Variants in SORCS2 observed in about 807,000 individuals in gnomAD.
SORCS2 encodes the protein VPS10 domain-containing receptor SorCS2.
Under a neutral mutation model 141.6 loss-of-function variants are expected in SORCS2, and 100 were observed. The observed-to-expected ratio is 0.71, with a 90% CI of 0.60 to 0.83. The LOEUF (loss-of-function observed/expected upper bound fraction) is 0.83, where lower values mean the gene tolerates loss of function less well. Ranked by LOEUF, SORCS2 falls within the 40% of genes least tolerant of loss-of-function variation. The probability of loss-of-function intolerance (pLI) is 0.00; values close to 1 mark genes in which losing one functional copy is unlikely to be tolerated. For missense variants in SORCS2, 1,646 were observed against 1,560.2 expected (o/e 1.05, Z -0.93); for synonymous variants, 789 against 676.9 (o/e 1.17, Z -2.57).
chr4:7,734,874 G>A (rs538358363), intron 25 of SORCS2, among the ~76,000 whole-genome samples: 11 of 152,232 alleles, frequency 7.2e-5, no homozygotes, highest in African/African-American at 2.4e-4. Context: ...GCGCTCCCGT[G>A]GGGAGGGCTC....
chr4:7,544,412 G>C (rs1367272199), intron 3 of SORCS2, among the ~76,000 whole-genome samples: 1 of 152,192 alleles, frequency 6.6e-6, no homozygotes, highest in Non-Finnish European at 1.5e-5. Flanking sequence ...GAGAGCCCTG[G>C]AGAGATGGCA....
intron 2 of SORCS2, among the ~76,000 whole-genome samples, chr4:7,400,210 A>G (rs998841716): frequency 6.8e-6 from 1 of 146,782 alleles, no homozygotes; most frequent in Non-Finnish European, 1.5e-5. Flanking sequence ...TTCAGTGTCC[A>G]GTGACAGTAG....
chr4:7,374,825 A>T (rs1434454981), intron 1 of SORCS2, among the ~76,000 whole-genome samples: 1 of 152,000 alleles, frequency 6.6e-6, no homozygotes, highest in Non-Finnish European at 1.5e-5. Context: ...GCCTGGGTAG[A>T]CCGCGGGTGG....
intron 8 of SORCS2, among the ~76,000 whole-genome samples, chr4:7,670,377 A>G (rs1422040064): frequency 1.3e-5 from 2 of 152,266 alleles, no homozygotes; most frequent in African/African-American, 2.4e-5. Flanking sequence ...ATAAATAGAG[A>G]AAAGAGAAGA....
intron 3 of SORCS2, among the ~76,000 whole-genome samples, chr4:7,604,128 G>A (rs1197166973): frequency 1.3e-5 from 2 of 152,066 alleles, no homozygotes; most frequent in Non-Finnish European, 2.9e-5. Context: ...AGGCAGAGAT[G>A]GGCAGGTCTC....
Position 7,741,300 on chromosome 4 carries a change from C to T in SORCS2, c.*1036C>T, listed in dbSNP as rs1712650251. ...CATTTTCAAGAAGGGGAAACTGAGG[C>T]CCAGGGAGGAGAGTAACTGAAGGTC... is the stretch of plus-strand genomic sequence containing the variant. On this transcript the variant is annotated 3_prime_UTR_variant, in exon 27 of 27. Coordinates refer to ENST00000507866, the MANE Select transcript of SORCS2 (RefSeq NM_020777.3). 2 of 398,980 alleles carry T rather than the reference C, an allele frequency of 5.0e-6. No homozygotes were observed. The highest frequency in any genetic ancestry group is 1.3e-4 in the South Asian group (1 of 7,848). The allele number at this position is 398,980 out of a possible 1,614,324, so 24.7% of individuals were successfully genotyped here.
At chr4:7,545,143 GAAAAA>G (rs34817306) in intron 3 of SORCS2, among the ~76,000 whole-genome samples, 2 of 146,132 alleles carry the variant, frequency 1.4e-5, no homozygotes, top group South Asian at 2.2e-4. Context: ...GGAGGGAAAA[GAAAAA>G]AAAAAAAAAA....
intron 2 of SORCS2, among the ~76,000 whole-genome samples, chr4:7,407,924 CAAAGA>C: frequency 7.0e-6 from 1 of 142,876 alleles, no homozygotes; most frequent in East Asian, 2.0e-4. Flanking sequence ...ATTTAGATCA[CAAAGA>C]AAAGAATAGA....
chr4:7,628,483 C>T (rs2108842661), intron 3 of SORCS2, among the ~76,000 whole-genome samples: 1 of 150,072 alleles, frequency 6.7e-6, no homozygotes, highest in African/African-American at 2.4e-5. Flanking sequence ...TGTGCCACTG[C>T]ACTCCAGCCT....
intron 13 of SORCS2, among the ~76,000 whole-genome samples, chr4:7,703,857 G>C (rs1725243484): frequency 6.6e-6 from 1 of 152,232 alleles, no homozygotes; most frequent in East Asian, 1.9e-4. Flanking sequence ...CTGCCAGATG[G>C]TGGCACTACA....
intron 1 of SORCS2, among the ~76,000 whole-genome samples, chr4:7,299,437 G>A (rs1428120528): frequency 6.6e-6 from 1 of 152,178 alleles, no homozygotes; most frequent in Non-Finnish European, 1.5e-5. Flanking sequence ...GCATGGCCTC[G>A]GATACATCTC....
intron 1 of SORCS2, among the ~76,000 whole-genome samples, chr4:7,389,201 C>T (rs1052543802): frequency 6.6e-5 from 10 of 152,200 alleles, no homozygotes; most frequent in East Asian, 1.9e-4. Context: ...TGGAGGTCTT[C>T]GTCCATGTTG....
intron 3 of SORCS2, among the ~76,000 whole-genome samples, chr4:7,586,637 G>C (rs1239391831): frequency 6.6e-6 from 1 of 152,140 alleles, no homozygotes; most frequent in Non-Finnish European, 1.5e-5. Context: ...AGCTCCATCC[G>C]TGTCCCGGCA....
intron 2 of SORCS2, among the ~76,000 whole-genome samples, chr4:7,515,815 G>A (rs1482191033): frequency 1.3e-5 from 2 of 152,222 alleles, no homozygotes; most frequent in African/African-American, 4.8e-5. Flanking sequence ...GGCTGGAGTA[G>A]CCCTGGCAAA....
rs527634447 is a variant in SORCS2 at position 7,507,453 on chromosome 4, C to T, written c.549-24077C>T. On this transcript the variant is annotated intron_variant, in intron 2 of 26. Transcript: ENST00000507866. The stretch of plus-strand genomic sequence containing the variant: ...CCTCCCAAAGTGCTGAGATTACAGG[C>T]GTGAGCCACTGTGCCTGGCCGATAA... Among the ~76,000 whole-genome samples, 27 of 152,282 alleles carry T rather than the reference C, an allele frequency of 1.8e-4. No individual in the cohort carries two copies. The South Asian group carries it at 5.0e-3, about 28-fold the overall frequency.
chr4:7,331,456 C>A (rs1330359597), intron 1 of SORCS2, among the ~76,000 whole-genome samples: 2 of 152,040 alleles, frequency 1.3e-5, no homozygotes, highest in Non-Finnish European at 2.9e-5. Flanking sequence ...AGTACCCACG[C>A]GGGAAGGAGG....
At chr4:7,318,061 C>T (rs1012837740) in intron 1 of SORCS2, among the ~76,000 whole-genome samples, 5 of 152,158 alleles carry the variant, frequency 3.3e-5, no homozygotes, top group African/African-American at 7.2e-5. Flanking sequence ...AGTCGCGTAT[C>T]GTGCAAGGTG....
At chr4:7,382,462 C>T (rs530450883) in intron 1 of SORCS2, among the ~76,000 whole-genome samples, 2 of 152,240 alleles carry the variant, frequency 1.3e-5, no homozygotes, top group East Asian at 3.9e-4. Flanking sequence ...TGCACCAGAT[C>T]CCCGAGTTGA....
chr4:7,258,967 G>C (rs781212980), intron 1 of SORCS2, among the ~76,000 whole-genome samples: 6 of 152,080 alleles, frequency 3.9e-5, no homozygotes, highest in Non-Finnish European at 7.4e-5. Flanking sequence ...ACTTTTTGAT[G>C]GGGTTGTTTG....
Sources: allele counts gnomAD v4.1 joint callset (sites outside exome capture counted in the v4.1 genomes callset), GRCh38; gene constraint gnomAD v4.1.1; transcripts MANE v1.5; gene names NCBI Gene and HGNC (gene_info 2026-07-23, HGNC 2026-07-21).